PAK3: variants seen among roughly 807,000 people sequenced by gnomAD.
PAK3 encodes the protein p21 (RAC1) activated kinase 3, also known as serine/threonine-protein kinase PAK 3.
Under a neutral mutation model 41.0 loss-of-function variants are expected in PAK3, and 4 were observed. That is an observed-to-expected ratio of 0.10 (90% CI 0.05 to 0.22). PAK3 has a LOEUF of 0.22. Ranked by LOEUF, PAK3 falls within the 10% of genes least tolerant of loss-of-function variation. The probability of loss-of-function intolerance (pLI) is 1.00; values close to 1 mark genes in which losing one functional copy is unlikely to be tolerated. For synonymous variants in PAK3, 146 were observed against 139.6 expected, an observed-to-expected ratio of 1.05 and a Z score of -0.32; for missense variants, 205 against 409.9, an observed-to-expected ratio of 0.50 and a Z score of 4.32.
At chrX:111,188,746 G>A (rs1386763274) in intron 11 of PAK3, among the ~76,000 whole-genome samples, 1 of 111,401 alleles carries the variant, frequency 9.0e-6, no homozygotes, top group African/African-American at 3.3e-5. Context: ...TCTGGCACAG[G>A]GCTAAATGCT....
At chrX:111,088,531 AC>A (rs755483865) in intron 1 of PAK3, among the ~76,000 whole-genome samples, 17 of 112,191 alleles carry the variant, frequency 1.5e-4, no homozygotes, top group African/African-American at 4.5e-4. Context: ...CATTTTAGTC[AC>A]ACTGTGAGCC....
chrX:110,965,575 G>C (rs749002478), intron 1 of PAK3, among the ~76,000 whole-genome samples: 1 of 112,225 alleles, frequency 8.9e-6, no homozygotes, highest in East Asian at 2.8e-4. Context: ...CCAGCTCCAG[G>C]GTGAGGCAGC....
intron 1 of PAK3, among the ~76,000 whole-genome samples, chrX:111,010,346 T>G (rs2091993681): frequency 9.0e-6 from 1 of 111,596 alleles, no homozygotes; most frequent in Non-Finnish European, 1.9e-5. Flanking sequence ...AGCTGCAAGT[T>G]CTTCTAGCCA....
intron 11 of PAK3, among the ~76,000 whole-genome samples, chrX:111,181,734 A>AT (rs755826208): frequency 0.14 from 12,968 of 95,831 alleles, 1,945 homozygotes; most frequent in African/African-American, 0.41. Context: ...AAAACCTCTG[A>AT]TTTTTTTTTT....
intron 11 of PAK3, among the ~76,000 whole-genome samples, chrX:111,183,391 A>G (rs1401639720): frequency 9.0e-6 from 1 of 111,424 alleles, no homozygotes; most frequent in Non-Finnish European, 1.9e-5. Context: ...CTTGACTATG[A>G]CCTCATTAGC....
At chrX:111,090,045 A>T (rs1245170638) in intron 1 of PAK3, among the ~76,000 whole-genome samples, 1 of 110,513 alleles carries the variant, frequency 9.0e-6, no homozygotes, top group African/African-American at 3.3e-5. Context: ...TCTCAAGAAC[A>T]TCTGGAGCCC....
At chrX:110,994,053 C>A (rs2091698319) in intron 1 of PAK3, among the ~76,000 whole-genome samples, 2 of 112,114 alleles carry the variant, frequency 1.8e-5, no homozygotes, top group East Asian at 5.6e-4. Context: ...GTGTTCTTTT[C>A]TTTGGATGTT....
intron 1 of PAK3, among the ~76,000 whole-genome samples, chrX:111,090,153 C>T (rs1055334987): frequency 3.2e-4 from 36 of 111,172 alleles, no homozygotes; most frequent in African/African-American, 1.1e-3. Flanking sequence ...TCATGTAGGG[C>T]TTTGGGGACT....
rs1216884613 is a variant in PAK3 at position 111,226,986 on chromosome X, C to T, written c.*6539C>T. ...CTACACAAAACAAGTTGAGAAGGAT[C>T]CACGTTTTCATTGTTTATCAGAATT... On this transcript the variant is annotated 3_prime_UTR_variant, in exon 18 of 18. Transcript: ENST00000372007. The T allele has an allele frequency of 8.9e-6, 1 of 112,154 alleles. No homozygotes were observed. Among genetic ancestry groups the T allele is most frequent in the East Asian group, 2.8e-4 (1 of 3,601 alleles). The allele number at this position is 112,154 out of a possible 1,213,427, so 9.2% of individuals were successfully genotyped here.
intron 5 of PAK3, among the ~76,000 whole-genome samples, chrX:111,139,850 G>A (rs781278821): frequency 1.8e-5 from 2 of 111,824 alleles, no homozygotes; most frequent in African/African-American, 3.2e-5. Flanking sequence ...GATTAAGGTA[G>A]GGGCTCTTAA....
At chrX:111,020,813 T>C (rs1383110108) in intron 1 of PAK3, among the ~76,000 whole-genome samples, 3 of 109,895 alleles carry the variant, frequency 2.7e-5, no homozygotes, top group Admixed American at 1.9e-4. Flanking sequence ...GTTGTGGGGG[T>C]ATGGTGGAAG....
In PAK3 at chrX:111,227,257, A is replaced by G. The variant is rs2094957583; in HGVS notation, c.*6810A>G. On this transcript the variant is annotated 3_prime_UTR_variant, in exon 18 of 18. Transcript: ENST00000372007. ...TTTTAAATTGTGGTTGAAGCAATAGAAAATTGAAATATGGATTGTGCATGA... is the reference window on the plus strand; with the variant it reads ...TTTTAAATTGTGGTTGAAGCAATAGGAAATTGAAATATGGATTGTGCATGA... The G allele has an allele frequency of 1.8e-5, 2 of 112,477 alleles. No individual in the cohort carries two copies. The highest frequency in any genetic ancestry group is 1.9e-4 in the Admixed American group (2 of 10,622). The allele number at this position is 112,477 out of a possible 1,213,427, so 9.3% of individuals were successfully genotyped here. A position where few individuals can be genotyped will look rare whatever the true frequency, so the allele number is the denominator to read the frequency against.
Position 111,014,345 on chromosome X carries a change from A to G in PAK3, c.-28+69717A>G, listed in dbSNP as rs181723396. On this transcript the variant is annotated intron_variant, in intron 1 of 14. Coordinates refer to the PAK3 transcript ENST00000425146. The stretch of plus-strand genomic sequence containing the variant: ...GCACCTTTTTTTTCAAGTAAAAAAA[A>G]TTAGGTAGTTAAGATCCCAAAATGT... Among the ~76,000 whole-genome samples the G allele has an allele frequency of 3.6e-5, 4 of 111,658 alleles. No homozygotes were observed. The Admixed American group carries it at 3.8e-4, about 11-fold the overall frequency.
At chrX:111,118,569 A>G (rs2093510956) in intron 4 of PAK3, among the ~76,000 whole-genome samples, 1 of 110,538 alleles carries the variant, frequency 9.0e-6, no homozygotes, top group African/African-American at 3.3e-5. Context: ...AGGGCGTTAA[A>G]CAGCCTTGGT....
intron 1 of PAK3, among the ~76,000 whole-genome samples, chrX:110,995,780 C>G (rs976274973): frequency 1.8e-5 from 2 of 111,156 alleles, no homozygotes; most frequent in African/African-American, 6.5e-5. Flanking sequence ...CCCCTTGCCC[C>G]CTGTGCACCA....
At chrX:111,033,697 A>C (rs2092364795) in intron 1 of PAK3, among the ~76,000 whole-genome samples, 1 of 111,257 alleles carries the variant, frequency 9.0e-6, no homozygotes, top group Non-Finnish European at 1.9e-5. Flanking sequence ...ACTGCGCTTA[A>C]GTGATTCCTA....
upstream of PAK3, among the ~76,000 whole-genome samples, chrX:111,095,527 G>A (rs1440537122): frequency 1.8e-5 from 2 of 112,141 alleles, no homozygotes; most frequent in South Asian, 3.7e-4. Flanking sequence ...AAGCTTTGAA[G>A]GTTTAAGGGA....
chrX:110,974,861 A>G (rs906583717), intron 1 of PAK3, among the ~76,000 whole-genome samples: 1 of 111,680 alleles, frequency 9.0e-6, no homozygotes, highest in South Asian at 3.8e-4. Context: ...AACAAAAACC[A>G]CATGATTACC....
At position 110,957,728 on chromosome X, in the gene PAK3, T is replaced by G. The variant is rs779684456; in HGVS notation, c.-28+13100T>G. ...TGCCTTGCTCATGGTGTTTTCCTAC[T>G]TGGTCTTCTCTAAAAATCCTTCTCA... On this transcript the variant is annotated intron_variant, in intron 1 of 14. Coordinates refer to the PAK3 transcript ENST00000425146. Among the ~76,000 whole-genome samples the G allele has an allele frequency of 3.6e-5, 4 of 111,847 alleles. No homozygotes were observed. In the South Asian group the frequency reaches 1.5e-3, roughly 42 times the overall value.
Sources: allele counts gnomAD v4.1 joint callset (sites outside exome capture counted in the v4.1 genomes callset), GRCh38; gene constraint gnomAD v4.1.1; transcripts MANE v1.5; gene names NCBI Gene and HGNC (gene_info 2026-07-23, HGNC 2026-07-21).